Variants in WDFY4 observed in about 807,000 individuals in gnomAD.
The protein encoded by WDFY4 is WD repeat- and FYVE domain-containing protein 4.
Under a neutral mutation model 351.9 loss-of-function variants are expected in WDFY4, and 169 were observed. The ratio of observed to expected loss-of-function variants is 0.48; its 90% CI spans 0.42 to 0.55. The LOEUF is 0.55. WDFY4 is among the 20% of genes least tolerant of loss of function. WDFY4 has a pLI of 0.00. For synonymous variants in WDFY4, 1,622 were observed against 1,574.6 expected (o/e 1.03, Z -0.71); for missense variants, 3,803 against 3,935.6 (o/e 0.97, Z 0.90).
intron 13 of WDFY4, among the ~76,000 whole-genome samples, chr10:48,764,091 A>G (rs930692740): frequency 6.6e-6 from 1 of 152,182 alleles, no homozygotes; most frequent in African/African-American, 2.4e-5. Context: ...TACTCCCTAC[A>G]TCTATACCCG....
chr10:48,735,395 G>A (rs140649767), intron 10 of WDFY4, among the ~76,000 whole-genome samples: 1 of 152,308 alleles, frequency 6.6e-6, no homozygotes, highest in Admixed American at 6.5e-5. Context: ...TTTTGTCAGA[G>A]AGAAGACAGA....
At chr10:48,825,940 T>G (rs1446763156) in intron 35 of WDFY4, among the ~76,000 whole-genome samples, 1 of 152,254 alleles carries the variant, frequency 6.6e-6, no homozygotes, top group African/African-American at 2.4e-5. Context: ...TATTTTGCTG[T>G]GCAGAAGCTC....
At chr10:48,694,506 C>T (rs373740707) in intron 1 of WDFY4, among the ~76,000 whole-genome samples, 12 of 152,094 alleles carry the variant, frequency 7.9e-5, no homozygotes, top group African/African-American at 2.4e-4. Flanking sequence ...TCCCTTTACC[C>T]GTCTCCTCTC....
chr10:48,777,331 G>A (rs898386531), intron 16 of WDFY4, 88 bp from the exon 17 acceptor site: 7 of 1,240,048 alleles, frequency 5.6e-6, no homozygotes, highest in African/African-American at 3.0e-5. Context: ...GGAGGGTAGA[G>A]TGGGAAGATG....
At chr10:48,918,061 G>A (rs1295516508) in intron 47 of WDFY4, among the ~76,000 whole-genome samples, 1 of 151,920 alleles carries the variant, frequency 6.6e-6, no homozygotes, top group Non-Finnish European at 1.5e-5. Flanking sequence ...AATCCTCAGA[G>A]CAATCACTAA....
chr10:48,869,532 C>T (rs1489643402), intron 40 of WDFY4, among the ~76,000 whole-genome samples: 2 of 119,630 alleles, frequency 1.7e-5, no homozygotes, highest in Non-Finnish European at 3.3e-5. Context: ...TTCAAATAGT[C>T]AATCAGCCAA....
chr10:48,819,292 G>A (rs758881854), intron 32 of WDFY4, among the ~76,000 whole-genome samples: 7 of 152,180 alleles, frequency 4.6e-5, no homozygotes, highest in Admixed American at 1.3e-4. Context: ...TTGTTGTATA[G>A]AAAACATGCC....
intron 28 of WDFY4, 106 bp from the exon 29 acceptor site, chr10:48,810,424 A>T: frequency 9.5e-7 from 1 of 1,052,582 alleles, no homozygotes; most frequent in Non-Finnish European, 1.3e-6. Flanking sequence ...TGTTAACCTT[A>T]ACTTGCCTCT....
chr10:48,798,817 T>C (rs913376418), intron 24 of WDFY4, among the ~76,000 whole-genome samples: 1 of 152,202 alleles, frequency 6.6e-6, no homozygotes, highest in African/African-American at 2.4e-5. Flanking sequence ...TTTGTAAATA[T>C]AGGCATAAGA....
chr10:48,887,147 A>G (rs1015740370), intron 43 of WDFY4, among the ~76,000 whole-genome samples: 2 of 152,242 alleles, frequency 1.3e-5, no homozygotes, highest in African/African-American at 4.8e-5. Flanking sequence ...AAAGGGAAGC[A>G]CCAGATCATA....
intron 61 of WDFY4, among the ~76,000 whole-genome samples, chr10:48,982,061 TC>T (rs1842831831): frequency 6.6e-6 from 1 of 152,178 alleles, no homozygotes; most frequent in South Asian, 2.1e-4. Context: ...CGTGGGCTGT[TC>T]CGGGGTCCTT....
intron 23 of WDFY4, 123 bp downstream of exon 23, chr10:48,791,040 C>T (rs559039314): frequency 2.7e-5 from 34 of 1,263,010 alleles, no homozygotes; most frequent in South Asian, 7.5e-5. Context: ...GAAGGGCAGC[C>T]GAAAGCCCTT....
At chr10:48,962,492 C>T (rs888897521) in intron 53 of WDFY4, among the ~76,000 whole-genome samples, 1 of 152,188 alleles carries the variant, frequency 6.6e-6, no homozygotes. Context: ...TGCCACCTCT[C>T]AGATAGACTG....
intron 39 of WDFY4, among the ~76,000 whole-genome samples, chr10:48,850,080 T>C (rs1485636004): frequency 1.3e-5 from 2 of 152,220 alleles, no homozygotes; most frequent in Non-Finnish European, 1.5e-5. Context: ...TATCAGGGGA[T>C]ACACGATGTC....
intron 12 of WDFY4, among the ~76,000 whole-genome samples, chr10:48,744,806 C>T (rs559431561): frequency 7.3e-5 from 11 of 151,088 alleles, no homozygotes; most frequent in African/African-American, 2.4e-4. Flanking sequence ...AGCTGATTTT[C>T]CCATTTCATC....
intron 53 of WDFY4, among the ~76,000 whole-genome samples, chr10:48,962,241 A>G (rs1413134451): frequency 6.6e-6 from 1 of 152,168 alleles, no homozygotes; most frequent in Non-Finnish European, 1.5e-5. Flanking sequence ...GGAGAGCCAT[A>G]CCTTTCATTA....
intron 19 of WDFY4, among the ~76,000 whole-genome samples, chr10:48,784,764 T>C (rs2066344132): frequency 6.6e-6 from 1 of 150,822 alleles, no homozygotes; most frequent in African/African-American, 2.4e-5. Flanking sequence ...ATGGTCTCAA[T>C]CTCCTGACCT....
At position 48,969,174 on chromosome 10, in the gene WDFY4, C is replaced by T; in HGVS notation, c.8695C>T (p.Pro2899Ser). Residue 2899 changes from proline to serine, a missense_variant, in exon 56 of 62, where the codon CCT becomes TCT. Physicochemically the swap from Pro to Ser is moderately conservative, Grantham distance 74. This residue lies in a region of WDFY4 where 3,054 missense variants were observed against 3,148.6 expected (regional missense o/e 0.97). Coordinates refer to ENST00000325239, the MANE Select transcript of WDFY4 (RefSeq NM_001394531.1). ...AGAGAGGAACAAAGTGCTGCTGCCT[C>T]CTCTCTGGAACAGGACCTTCAGCTG... The part of the protein sequence containing the change: ...AVERNKVLLP[P>S]LWNRTFSWGF... The T allele has an allele frequency of 6.4e-7, 1 of 1,551,738 alleles. No individual in the cohort carries two copies. Among genetic ancestry groups the T allele is most frequent in the Non-Finnish European group, 8.7e-7 (1 of 1,146,974 alleles).
intron 5 of WDFY4, 120 bp from the exon 6 acceptor site, chr10:48,725,761 A>G (rs2132304894): frequency 1.8e-6 from 2 of 1,097,994 alleles, no homozygotes; most frequent in Non-Finnish European, 2.6e-6. Flanking sequence ...ACCCCATTCA[A>G]TCCTGTCCTT....
Sources: allele counts gnomAD v4.1 joint callset (sites outside exome capture counted in the v4.1 genomes callset), GRCh38; gene constraint gnomAD v4.1.1; regional missense constraint gnomAD v4.1.1; transcripts MANE v1.5; gene names NCBI Gene and HGNC (gene_info 2026-07-23, HGNC 2026-07-21).